Variants in DNAH8 observed in about 807,000 individuals in gnomAD.
The protein encoded by DNAH8 is axonemal beta dynein heavy chain 8.
A neutral mutation model predicts 562.1 loss-of-function variants in DNAH8; 382 were observed. The observed-to-expected ratio is 0.68, with a 90% CI of 0.63 to 0.74. The LOEUF is 0.74. Among genes scored for constraint, DNAH8 ranks in the 30% least tolerant of loss-of-function variants. DNAH8 has a pLI of 0.00. For synonymous variants in DNAH8, 1,881 were observed against 1,919.4 expected (o/e 0.98, Z 0.52); for missense variants, 5,203 against 5,620.4 (o/e 0.93, Z 2.37).
rs148106120 is a variant in DNAH8, at chr6:39,012,225, G to A, written c.13382G>A (p.Arg4461His). The change falls in exon 90 of 93, where the codon CGT becomes CAT. Residue 4461 changes from arginine to histidine, a missense_variant. Arg to His is a conservative substitution (Grantham distance 29). Around this residue, in one of 6 missense-constraint regions of DNAH8, gnomAD observed 1,399 missense variants for 1,518.4 expected, o/e 0.92. Transcript: ENST00000327475. ...TTTACTTTGTTTTAGGTGAAATCTC[G>A]TTTGATAAAGATGGGCCATCTTAAT... ...PDYIPHEVKS[R>H]LIKMGHLNSM... The A allele has an allele frequency of 4.0e-5, 64 of 1,604,044 alleles. No homozygotes were observed. The highest frequency in any genetic ancestry group is 6.7e-5 in the African/African-American group (5 of 74,634).
intron 71 of DNAH8, 112 bp from the exon 72 acceptor site, chr6:38,922,946 T>C (rs1467491264): frequency 6.3e-6 from 7 of 1,112,266 alleles, no homozygotes; most frequent in South Asian, 1.6e-5. Flanking sequence ...TTAGGTTATA[T>C]TATTTTGCAA....
chr6:38,739,736 C>G (rs1781723), intron 7 of DNAH8, among the ~76,000 whole-genome samples: 9,190 of 152,258 alleles, frequency 0.06, 318 homozygotes, highest in South Asian at 0.11. Context: ...AGCTTTTCTT[C>G]CCCCTAGTGG....
chr6:38,819,918 G>A (rs1388348471), intron 26 of DNAH8, among the ~76,000 whole-genome samples: 1 of 152,038 alleles, frequency 6.6e-6, no homozygotes. Flanking sequence ...AAAAAAATTT[G>A]CACAGCATTT....
At chr6:38,963,707 T>G (rs1762788126) in intron 82 of DNAH8, among the ~76,000 whole-genome samples, 1 of 92,110 alleles carries the variant, frequency 1.1e-5, no homozygotes, top group Admixed American at 1.2e-4. Context: ...TTTTTAAATT[T>G]ATTTTTTTAT....
chr6:38,930,267 T>A (rs143570225), intron 75 of DNAH8, among the ~76,000 whole-genome samples: 1,957 of 152,264 alleles, frequency 0.013, 36 homozygotes, highest in Middle Eastern at 0.037. Context: ...TATTTTCAAT[T>A]TGTATAAGTG....
At chr6:38,740,125 A>G (rs1764408024) in intron 7 of DNAH8, among the ~76,000 whole-genome samples, 2 of 152,354 alleles carry the variant, frequency 1.3e-5, no homozygotes, top group South Asian at 2.1e-4. Context: ...TTACTAAACC[A>G]ACATTTGGCA....
At chr6:38,720,936 G>C (rs902066670) in intron 1 of DNAH8, among the ~76,000 whole-genome samples, 1 of 152,106 alleles carries the variant, frequency 6.6e-6, no homozygotes, top group Non-Finnish European at 1.5e-5. Flanking sequence ...AAAGAGATTT[G>C]CTGAGCTAAA....
Position 38,715,941 on chromosome 6 carries a change from TA to T in DNAH8, c.-35+527del, listed in dbSNP as rs1762270347. 2.9e-4 allele frequency among the ~76,000 whole-genome samples: 5 copies of T among 16,998 alleles called. 1 individual carries two copies. Among genetic ancestry groups the T allele is most frequent in the East Asian group, 2.0e-3 (2 of 1,002 alleles). The allele number at this position is 16,998 out of a possible 152,430, so 11.2% of individuals were successfully genotyped here. A position where few individuals can be genotyped will look rare whatever the true frequency, so the allele number is the denominator to read the frequency against. On this transcript the variant is annotated intron_variant, in intron 1 of 92. Coordinates refer to ENST00000327475, the MANE Select transcript of DNAH8 (RefSeq NM_001206927.2). ...AAATAAATAAATATATATATATATA[TA>T]TATATATATATATATATATTTTTTT...
chr6:38,955,691 T>C (rs1306752668), intron 82 of DNAH8, among the ~76,000 whole-genome samples: 3 of 152,128 alleles, frequency 2.0e-5, no homozygotes, highest in Non-Finnish European at 4.4e-5. Flanking sequence ...GATGAATTTA[T>C]AGTGATGTCA....
chr6:38,741,764 C>T lies in DNAH8; in HGVS notation c.1170C>T (p.Leu390=). The T allele has an allele frequency of 6.2e-7, 1 of 1,613,954 alleles. No individual in the cohort carries two copies. Among genetic ancestry groups the T allele is most frequent in the Non-Finnish European group, 8.5e-7 (1 of 1,179,896 alleles). The change falls in exon 8 of 93, where the codon CTC becomes CTT. Residue 390 remains leucine, a synonymous_variant. Transcript: ENST00000327475. ...MRKEAGDSGP[L]TELEHWKRMS... is the part of the protein sequence containing the mutation. Reference sequence around the variant, plus strand: ...AAGAAGCTGGTGATTCAGGTCCACTCACTGAATTGGAACACTGGAAACGCA... The same window carrying T: ...AAGAAGCTGGTGATTCAGGTCCACTTACTGAATTGGAACACTGGAAACGCA...
chr6:38,716,409 C>T (rs1044041538), intron 1 of DNAH8, among the ~76,000 whole-genome samples: 1 of 152,108 alleles, frequency 6.6e-6, no homozygotes, highest in Admixed American at 6.6e-5. Flanking sequence ...ATAGTTGTGC[C>T]TCTTTTTGCT....
intron 68 of DNAH8, 101 bp downstream of exon 68, chr6:38,915,478 G>A (rs1244709950): frequency 2.0e-6 from 2 of 989,810 alleles, no homozygotes; most frequent in African/African-American, 1.7e-5. Context: ...AATTCTTAAT[G>A]TGATTGATAA....
At chr6:38,822,785 T>C in intron 26 of DNAH8, 53 bp from the exon 27 acceptor site, 2 of 1,233,478 alleles carry the variant, frequency 1.6e-6, no homozygotes, top group East Asian at 5.3e-5. Flanking sequence ...AAACTGATAA[T>C]ATTTAAAGTT....
intron 79 of DNAH8, among the ~76,000 whole-genome samples, chr6:38,944,411 G>A (rs999204320): frequency 6.6e-6 from 1 of 152,168 alleles, no homozygotes; most frequent in African/African-American, 2.4e-5. Context: ...GCAAAGACCT[G>A]TAGTTCCCCC....
Position 38,873,374 on chromosome 6 carries a change from C to A in DNAH8, c.7618C>A (p.Gln2540Lys), listed in dbSNP as rs1777621579. 1 of 1,582,206 alleles carries A rather than the reference C, an allele frequency of 6.3e-7. No homozygotes were observed. The highest frequency in any genetic ancestry group is 1.4e-5 in the African/African-American group (1 of 73,170). The change falls in exon 52 of 93, where the codon CAA (glutamine) becomes AAA (lysine). Residue 2540 changes from glutamine to lysine, a missense_variant and splice_region_variant. Coordinates refer to ENST00000327475, the MANE Select transcript of DNAH8 (RefSeq NM_001206927.2). ...MQLLECNYIV[Q>K]SLNLLEGLIP... ...GCTCTTGGAGTGCAACTATATTGTG[C>A]AAGTAAGATTTTTTTTTGTACATTT...
intron 11 of DNAH8, chr6:38,763,021 A>C (rs1766672263): frequency 2.5e-6 from 1 of 407,938 alleles, no homozygotes. Flanking sequence ...ACAAAGCTAC[A>C]CAGAGACAGA....
chr6:38,920,266 G>A (rs1195855302), intron 70 of DNAH8, among the ~76,000 whole-genome samples: 1 of 152,074 alleles, frequency 6.6e-6, no homozygotes, highest in Admixed American at 6.6e-5. Context: ...ATAGGTGTGA[G>A]CCACTGTGCC....
intron 47 of DNAH8, among the ~76,000 whole-genome samples, chr6:38,867,739 T>G: frequency 8.1e-6 from 1 of 123,004 alleles, no homozygotes; most frequent in Admixed American, 1.0e-4. Flanking sequence ...GATGACAGAG[T>G]GAGACTCCAT....
At chr6:38,970,043 A>G (rs1007419373) in intron 82 of DNAH8, among the ~76,000 whole-genome samples, 8 of 152,122 alleles carry the variant, frequency 5.3e-5, no homozygotes, top group Non-Finnish European at 8.8e-5. Context: ...TCTGGATATG[A>G]AGGGATGCCT....
Sources: allele counts gnomAD v4.1 joint callset (sites outside exome capture counted in the v4.1 genomes callset), GRCh38; gene constraint gnomAD v4.1.1; regional missense constraint gnomAD v4.1.1; transcripts MANE v1.5; gene names NCBI Gene and HGNC (gene_info 2026-07-23, HGNC 2026-07-21).